CHST8: variants seen among roughly 807,000 people sequenced by gnomAD.
CHST8 encodes GALNAC-4-ST1.
CHST8 carries 10 observed loss-of-function variants against 15.0 expected under a neutral mutation model. That is an observed-to-expected ratio of 0.67 (90% CI 0.41 to 1.13). The LOEUF (loss-of-function observed/expected upper bound fraction) is 1.13, where lower values mean the gene tolerates loss of function less well. Among genes scored for constraint, CHST8 ranks in the 50% most tolerant of loss-of-function variants. CHST8 has a pLI of 0.00. For missense variants in CHST8, 634 were observed against 608.2 expected (o/e 1.04, Z -0.45); for synonymous variants, 259 against 256.6 (o/e 1.01, Z -0.09).
intron 3 of CHST8, among the ~76,000 whole-genome samples, chr19:33,692,417 G>A (rs1175264954): frequency 6.6e-6 from 1 of 152,128 alleles, no homozygotes; most frequent in Non-Finnish European, 1.5e-5. Context: ...AACACCAATG[G>A]CCAGGTGTGG....
At chr19:33,630,428 G>A (rs1776817936) in intron 1 of CHST8, among the ~76,000 whole-genome samples, 1 of 152,034 alleles carries the variant, frequency 6.6e-6, no homozygotes, top group African/African-American at 2.4e-5. Context: ...GGCTGGGCCA[G>A]TGTGTGGTGC....
At chr19:33,670,870 G>A (rs887603703) in intron 2 of CHST8, among the ~76,000 whole-genome samples, 4 of 152,076 alleles carry the variant, frequency 2.6e-5, no homozygotes, top group African/African-American at 9.7e-5. Flanking sequence ...TTTTGTCCTC[G>A]TAATAATCTT....
chr19:33,663,562 C>T lies in CHST8; in HGVS notation c.-163-4205C>T, dbSNP rs146705994. Among the ~76,000 whole-genome samples the T allele has an allele frequency of 2.2e-4, 34 of 152,128 alleles. No homozygotes were observed. The East Asian group carries it at 6.4e-3, about 29-fold the overall frequency. ...CTGGGGGACCTAGTGAGACCCTGTCCCCCAAAAAGGTTTAAAAAGCAGGAG... is the reference window on the plus strand; with the variant it reads ...CTGGGGGACCTAGTGAGACCCTGTCTCCCAAAAAGGTTTAAAAAGCAGGAG... On this transcript the variant is annotated intron_variant, in intron 1 of 4. Transcript: ENST00000650847.
intron 3 of CHST8, among the ~76,000 whole-genome samples, chr19:33,719,100 T>TGCA (rs1973727673): frequency 6.6e-6 from 1 of 152,136 alleles, no homozygotes; most frequent in Non-Finnish European, 1.5e-5. Flanking sequence ...GGTGTGACAC[T>TGCA]GCAGCCAAAG....
intron 3 of CHST8, among the ~76,000 whole-genome samples, chr19:33,696,425 A>G (rs1375758703): frequency 3.3e-5 from 5 of 152,092 alleles, no homozygotes; most frequent in African/African-American, 1.2e-4. Flanking sequence ...TGGCCACATT[A>G]GAGTCCAGAA....
At chr19:33,731,347 A>T (rs1973989262) in intron 3 of CHST8, among the ~76,000 whole-genome samples, 1 of 152,218 alleles carries the variant, frequency 6.6e-6, no homozygotes, top group African/African-American at 2.4e-5. Context: ...CCCAGAACTT[A>T]GGGTTTCTCC....
At chr19:33,747,679 C>T (rs1214537389) in intron 3 of CHST8, among the ~76,000 whole-genome samples, 13 of 152,164 alleles carry the variant, frequency 8.5e-5, no homozygotes, top group South Asian at 2.1e-4. Flanking sequence ...AAAGAGGGAG[C>T]GTCAATGATA....
intron 3 of CHST8, among the ~76,000 whole-genome samples, chr19:33,694,161 A>T: frequency 1.4e-5 from 1 of 70,140 alleles, no homozygotes; most frequent in Non-Finnish European, 2.6e-5. Flanking sequence ...ATTCTATTGT[A>T]GTTTATTCAT....
At chr19:33,681,211 A>G (rs1310241783) in intron 2 of CHST8, among the ~76,000 whole-genome samples, 1 of 152,210 alleles carries the variant, frequency 6.6e-6, no homozygotes, top group African/African-American at 2.4e-5. Flanking sequence ...TGGAGTTCAC[A>G]CAGAGGAATG....
intron 3 of CHST8, among the ~76,000 whole-genome samples, chr19:33,721,701 A>T (rs1052667814): frequency 1.2e-4 from 17 of 142,824 alleles, no homozygotes; most frequent in African/African-American, 4.0e-4. Context: ...TGGGTGGAAG[A>T]ATGTATGGAG....
intron 3 of CHST8, among the ~76,000 whole-genome samples, chr19:33,706,655 C>G (rs768725779): frequency 4.6e-5 from 7 of 152,296 alleles, no homozygotes; most frequent in Admixed American, 3.9e-4. Flanking sequence ...TATTGTAACC[C>G]CTTGCCCACG....
intron 3 of CHST8, among the ~76,000 whole-genome samples, chr19:33,704,526 G>A (rs773113231): frequency 2.6e-5 from 4 of 152,224 alleles, no homozygotes; most frequent in South Asian, 2.1e-4. Context: ...AGGGGCCACC[G>A]ATGCTCCACT....
At chr19:33,728,717 G>A (rs887697550) in intron 3 of CHST8, among the ~76,000 whole-genome samples, 2 of 152,182 alleles carry the variant, frequency 1.3e-5, no homozygotes, top group African/African-American at 2.4e-5. Context: ...GTGCTTAGGA[G>A]GGGGAGGTGC....
intron 1 of CHST8, among the ~76,000 whole-genome samples, chr19:33,622,685 G>T (rs1222758390): frequency 1.3e-5 from 2 of 152,134 alleles, no homozygotes; most frequent in African/African-American, 4.8e-5. Flanking sequence ...AGGCAGGAGC[G>T]CTCGGGGCGC....
At chr19:33,754,556 G>A (rs1195246947) in intron 3 of CHST8, among the ~76,000 whole-genome samples, 1 of 152,162 alleles carries the variant, frequency 6.6e-6, no homozygotes, top group Non-Finnish European at 1.5e-5. Context: ...CCAAAGAGGA[G>A]GCTCATCCTC....
rs182117509 is a variant in CHST8, at chr19:33,712,688, G to T, written c.130+23297G>T. Reference sequence around the variant, plus strand: ...TTAACTTTAGGCCTTGCACTGCAGCGGCAGACTGTCTCACAGGAGCCTAAG... The same window carrying T: ...TTAACTTTAGGCCTTGCACTGCAGCTGCAGACTGTCTCACAGGAGCCTAAG... On this transcript the variant is annotated intron_variant, in intron 3 of 4. Transcript: ENST00000650847. Among the ~76,000 whole-genome samples, 452 of 152,228 alleles carry T rather than the reference G, an allele frequency of 3.0e-3. 1 individual carries two copies. In the Middle Eastern group the frequency reaches 0.031, roughly 10 times the overall value.
chr19:33,673,628 T>C (rs1364563322), intron 2 of CHST8, among the ~76,000 whole-genome samples: 2 of 152,198 alleles, frequency 1.3e-5, no homozygotes, highest in Non-Finnish European at 2.9e-5. Context: ...TCCCAGGACG[T>C]GCACTTGCTG....
At chr19:33,688,109 C>T (rs1005212607) in intron 2 of CHST8, among the ~76,000 whole-genome samples, 3 of 152,306 alleles carry the variant, frequency 2.0e-5, no homozygotes, top group South Asian at 2.1e-4. Flanking sequence ...ACCTTCAAAG[C>T]GGGGTTGGGG....
Position 33,772,150 on chromosome 19 carries a change from C to T in CHST8, c.362C>T (p.Ala121Val), listed in dbSNP as rs776204151. The stretch of plus-strand genomic sequence containing the variant: ...CGTCTGCTCATCAAGAAAATGCCAG[C>T]TGCGGCGACCATCCCGGCCAACAGC... The part of the protein sequence containing the change: ...RRRLLIKKMP[A>V]AATIPANSSD... The change falls in exon 5 of 5, where the codon GCT (alanine) becomes GTT (valine). Residue 121 changes from alanine (A) to valine (V), a missense_variant. Transcript: ENST00000650847. 1 of 1,604,770 alleles carries T rather than the reference C, an allele frequency of 6.2e-7. No homozygotes were observed. The highest frequency in any genetic ancestry group is 1.7e-5 in the Admixed American group (1 of 59,048).
Sources: gnomAD v4.1 joint callset for allele counts (sites outside exome capture counted in the v4.1 genomes callset) on GRCh38, gnomAD v4.1.1 for gene constraint, MANE v1.5 for transcripts, NCBI Gene and HGNC (gene_info 2026-07-23, HGNC 2026-07-21) for gene names.